Variants in CDK14 observed in about 807,000 individuals in gnomAD.
The protein encoded by CDK14 is cyclin-dependent kinase 14.
Under a neutral mutation model 60.7 loss-of-function variants are expected in CDK14, and 34 were observed. The observed-to-expected ratio is 0.56, with a 90% confidence interval of 0.43 to 0.75. The LOEUF is 0.75. Among genes scored for constraint, CDK14 ranks in the 30% least tolerant of loss-of-function variants. CDK14 has a pLI of 0.00. For synonymous variants in CDK14, 197 were observed against 203.7 expected, an observed-to-expected ratio of 0.97 and a Z score of 0.28; for missense variants, 482 against 564.1, an observed-to-expected ratio of 0.85 and a Z score of 1.47.
intron 1 of CDK14, 32 bp from the exon 2 acceptor site, chr7:90,604,186 A>G (rs1434752250): frequency 2.7e-6 from 4 of 1,455,622 alleles, no homozygotes; most frequent in Non-Finnish European, 1.9e-6. Flanking sequence ...ATTTTTCACA[A>G]TAACTGTTTC....
intron 4 of CDK14, among the ~76,000 whole-genome samples, chr7:90,757,419 T>C (rs565418040): frequency 6.6e-6 from 1 of 152,270 alleles, no homozygotes; most frequent in South Asian, 2.1e-4. Context: ...CATATCTTTT[T>C]GAACAGTTCA....
intron 2 of CDK14, among the ~76,000 whole-genome samples, chr7:90,717,001 G>A (rs1306720823): frequency 2.0e-5 from 3 of 152,044 alleles, no homozygotes; most frequent in Non-Finnish European, 2.9e-5. Context: ...CAAGCAGCAA[G>A]GGGTTAACTT....
chr7:90,726,546 T>G, intron 2 of CDK14, 21 bp from the exon 3 acceptor site: 1 of 1,610,698 alleles, frequency 6.2e-7, no homozygotes, highest in Non-Finnish European at 8.5e-7. Context: ...GAGTTCTGAA[T>G]TTAATTTCTT....
At chr7:90,668,148 A>G (rs1241045189) in intron 2 of CDK14, among the ~76,000 whole-genome samples, 1 of 152,180 alleles carries the variant, frequency 6.6e-6, no homozygotes, top group Non-Finnish European at 1.5e-5. Context: ...AGCAACTTAC[A>G]AGGTTTCCAA....
At chr7:90,840,476 T>G (rs1554350815) in intron 5 of CDK14, among the ~76,000 whole-genome samples, 1 of 152,214 alleles carries the variant, frequency 6.6e-6, no homozygotes, top group Non-Finnish European at 1.5e-5. Flanking sequence ...TAACTATAAG[T>G]TCCCATTTGA....
At chr7:91,151,943 C>T (rs1298089243) in intron 14 of CDK14, among the ~76,000 whole-genome samples, 1 of 152,178 alleles carries the variant, frequency 6.6e-6, no homozygotes, top group African/African-American at 2.4e-5. Flanking sequence ...ACAGTCCTTG[C>T]AGTATGCAGA....
At chr7:90,608,773 T>C (rs1176710542) in intron 2 of CDK14, among the ~76,000 whole-genome samples, 1 of 152,250 alleles carries the variant, frequency 6.6e-6, no homozygotes, top group Non-Finnish European at 1.5e-5. Context: ...CTAGCACTTA[T>C]TTTGTCATTT....
At chr7:90,923,795 G>A (rs1429823652) in intron 8 of CDK14, among the ~76,000 whole-genome samples, 1 of 152,190 alleles carries the variant, frequency 6.6e-6, no homozygotes, top group Non-Finnish European at 1.5e-5. Context: ...CAATTTGAGG[G>A]CAGAATTGTT....
intron 11 of CDK14, among the ~76,000 whole-genome samples, chr7:91,054,583 C>T (rs1193976845): frequency 1.3e-5 from 2 of 152,160 alleles, no homozygotes; most frequent in Admixed American, 1.3e-4. Context: ...ACTGGGAGGT[C>T]ACTGGTGGTT....
At chr7:91,195,176 G>C (rs1319302588) in intron 14 of CDK14, among the ~76,000 whole-genome samples, 1 of 152,196 alleles carries the variant, frequency 6.6e-6, no homozygotes, top group Admixed American at 6.5e-5. Flanking sequence ...GACACTCCTA[G>C]TCCAATACAT....
At chr7:91,092,311 C>T (rs994740209) in intron 12 of CDK14, among the ~76,000 whole-genome samples, 3 of 151,958 alleles carry the variant, frequency 2.0e-5, no homozygotes, top group Non-Finnish European at 2.9e-5. Context: ...GCATCTGTGC[C>T]CCCAGATCTA....
chr7:90,794,799 G>A (rs1681968924), intron 5 of CDK14, among the ~76,000 whole-genome samples: 1 of 152,188 alleles, frequency 6.6e-6, no homozygotes, highest in Admixed American at 6.5e-5. Flanking sequence ...GACAGGCATA[G>A]GAAATCACAA....
At chr7:90,968,690 C>A (rs1488022225) in intron 9 of CDK14, among the ~76,000 whole-genome samples, 1 of 152,152 alleles carries the variant, frequency 6.6e-6, no homozygotes. Context: ...GAAACCCCAA[C>A]AGATTAAAAA....
At chr7:91,129,767 A>G (rs1008316773) in intron 14 of CDK14, among the ~76,000 whole-genome samples, 1 of 152,170 alleles carries the variant, frequency 6.6e-6, no homozygotes, top group African/African-American at 2.4e-5. Flanking sequence ...TTTATTTGCC[A>G]CTGTGAACTG....
At position 90,713,972 on chromosome 7, in the gene CDK14, G is replaced by A. The variant is rs576774012; in HGVS notation, c.124-12595G>A. Among the ~76,000 whole-genome samples the A allele has an allele frequency of 4.6e-5, 7 of 152,160 alleles. No individual in the cohort carries two copies. In the South Asian group the frequency reaches 8.3e-4, roughly 18 times the overall value. Reference sequence around the variant, plus strand: ...TTAAAGCATTTTTATAGTAATTTATGTAATAAGAGCTCAACAAGTTAGCCA... The same window carrying A: ...TTAAAGCATTTTTATAGTAATTTATATAATAAGAGCTCAACAAGTTAGCCA... On this transcript the variant is annotated intron_variant, in intron 2 of 14. Coordinates refer to ENST00000380050, the MANE Select transcript of CDK14 (RefSeq NM_001287135.2).
intron 9 of CDK14, among the ~76,000 whole-genome samples, chr7:90,963,711 CTTTTTTTTTT>C (rs34156393): frequency 8.1e-6 from 1 of 123,098 alleles, no homozygotes; most frequent in Non-Finnish European, 1.7e-5. Flanking sequence ...TTTTTCTTTT[CTTTTTTTTTT>C]TTTTTTTTTT....
chr7:90,795,117 CA>C (rs1307383208), intron 5 of CDK14, among the ~76,000 whole-genome samples: 1 of 152,050 alleles, frequency 6.6e-6, no homozygotes, highest in Non-Finnish European at 1.5e-5. Context: ...TGCATATAAA[CA>C]AAATATGCTG....
At chr7:91,025,605 T>G (rs1451986036) in intron 10 of CDK14, among the ~76,000 whole-genome samples, 1 of 152,208 alleles carries the variant, frequency 6.6e-6, no homozygotes, top group Non-Finnish European at 1.5e-5. Context: ...GTTGCTGCCT[T>G]CTTCTGACAA....
At chr7:90,870,221 C>G (rs369025861) in intron 6 of CDK14, among the ~76,000 whole-genome samples, 2 of 152,088 alleles carry the variant, frequency 1.3e-5, no homozygotes, top group East Asian at 3.9e-4. Flanking sequence ...GGCCATTATC[C>G]TTAGCAAACT....
Sources: allele counts gnomAD v4.1 joint callset (sites outside exome capture counted in the v4.1 genomes callset), GRCh38; gene constraint gnomAD v4.1.1; transcripts MANE v1.5; gene names NCBI Gene and HGNC (gene_info 2026-07-23, HGNC 2026-07-21).